Variants in EXD3 observed in about 807,000 individuals in gnomAD.
The protein encoded by EXD3 is exonuclease mut-7 homolog.
In EXD3, 92 loss-of-function variants were observed where a neutral mutation model predicts 98.0. The ratio of observed to expected loss-of-function variants is 0.94; its 90% CI spans 0.79 to 1.12. The LOEUF (loss-of-function observed/expected upper bound fraction) is 1.12, where lower values mean the gene tolerates loss of function less well. EXD3 is among the 50% of genes most tolerant of loss of function. The probability of loss-of-function intolerance (pLI) is 0.00; values close to 1 mark genes in which losing one functional copy is unlikely to be tolerated. For synonymous variants in EXD3, 569 were observed against 526.0 expected, an observed-to-expected ratio of 1.08 and a Z score of -1.12; for missense variants, 1,222 against 1,191.6, an observed-to-expected ratio of 1.03 and a Z score of -0.38.
At chr9:137,378,920 G>GT (rs1836056896) in intron 3 of EXD3, among the ~76,000 whole-genome samples, 1 of 148,360 alleles carries the variant, frequency 6.7e-6, no homozygotes, top group African/African-American at 2.6e-5. Context: ...GGGGAATGGG[G>GT]CATCTGTGTG....
In EXD3 at chr9:137,422,128, A is replaced by AAC. The variant is rs1554743755; in HGVS notation, c.-48+985_-48+986insGT. ...TGGTGTTCTTAAAAAAAAAAAAAAA[A>AAC]AAAAAACTCCCTGAAATGTCTCCTC... On this transcript the variant is annotated intron_variant, in intron 1 of 21. Transcript: ENST00000340951. 1.8e-3 allele frequency among the ~76,000 whole-genome samples: 273 copies of AAC among 151,702 alleles called. 2 individuals carry two copies. Among genetic ancestry groups the AAC allele is most frequent in the African/African-American group, 6.4e-3 (266 of 41,306 alleles).
chr9:137,402,687 C>T (rs908700327), intron 1 of EXD3, among the ~76,000 whole-genome samples: 3 of 152,210 alleles, frequency 2.0e-5, no homozygotes, highest in African/African-American at 2.4e-5. Context: ...GTCGCTTCCA[C>T]ATTTTTGGGT....
At chr9:137,413,343 G>C (rs1303085177) in intron 1 of EXD3, among the ~76,000 whole-genome samples, 1 of 151,992 alleles carries the variant, frequency 6.6e-6, no homozygotes, top group African/African-American at 2.4e-5. Flanking sequence ...TGGGACTATA[G>C]GCGCCTGCCA....
chr9:137,357,744 G>A (rs200430135), intron 7 of EXD3, among the ~76,000 whole-genome samples: 38 of 147,144 alleles, frequency 2.6e-4, no homozygotes, highest in African/African-American at 4.7e-4. Context: ...ATATATATGT[G>A]TATATATATA....
At chr9:137,384,661 G>A (rs1185425637) in intron 2 of EXD3, among the ~76,000 whole-genome samples, 2 of 152,254 alleles carry the variant, frequency 1.3e-5, no homozygotes, top group Admixed American at 6.5e-5. Context: ...AAACTACGCC[G>A]TTAGAATTAA....
Position 137,371,796 on chromosome 9 carries a change from C to A in EXD3, c.462+1109G>T, listed in dbSNP as rs774046838. Reference sequence around the variant, plus strand: ...GCAGGACACCCCCGGGCTTCTTTGCCGCACCTCGTGCTGCACCCTAGAATC... The same window carrying A: ...GCAGGACACCCCCGGGCTTCTTTGCAGCACCTCGTGCTGCACCCTAGAATC... On this transcript the variant is annotated intron_variant, in intron 5 of 21. Transcript: ENST00000340951. The surrounding 1 kb of genome is among the most constrained non-coding windows in gnomAD (Gnocchi z 8.0). 6.6e-6 allele frequency among the ~76,000 whole-genome samples: 1 copy of A among 152,022 alleles called. No homozygotes were observed. Among genetic ancestry groups the A allele is most frequent in the Non-Finnish European group, 1.5e-5 (1 of 67,982 alleles).
chr9:137,370,986 G>T lies in EXD3; in HGVS notation c.462+1919C>A, dbSNP rs546180589. On this transcript the variant is annotated intron_variant, in intron 5 of 21. Coordinates refer to ENST00000340951, the MANE Select transcript of EXD3 (RefSeq NM_017820.5). ...AATCCGAGCGGACAGGCCTGAATGCGGCCTCTTTCGGCCGGGCGCGGCGGT... is the reference window on the plus strand; with the variant it reads ...AATCCGAGCGGACAGGCCTGAATGCTGCCTCTTTCGGCCGGGCGCGGCGGT... Among the ~76,000 whole-genome samples, 16 of 152,296 alleles carry T rather than the reference G, an allele frequency of 1.1e-4. No homozygotes were observed. The South Asian group carries it at 3.3e-3, about 32-fold the overall frequency.
At chr9:137,330,764 G>A (rs1029259591) in intron 17 of EXD3, among the ~76,000 whole-genome samples, 2 of 152,172 alleles carry the variant, frequency 1.3e-5, no homozygotes, top group Non-Finnish European at 2.9e-5. Context: ...CAAGAAAGAG[G>A]AAACAGAGCT....
At chr9:137,373,128 G>C (rs935853045) in intron 4 of EXD3, 56 bp from the exon 5 acceptor site, 23 of 1,503,970 alleles carry the variant, frequency 1.5e-5, no homozygotes, top group Non-Finnish European at 2.0e-5. Context: ...CTGGGCCATG[G>C]GGCCGATTGA....
rs1480842610 is a variant in EXD3 at position 137,385,246 on chromosome 9, G to A, written c.56-1869C>T. 6.6e-6 allele frequency among the ~76,000 whole-genome samples: 1 copy of A among 152,206 alleles called. No individual in the cohort carries two copies. Among genetic ancestry groups the A allele is most frequent in the Non-Finnish European group, 1.5e-5 (1 of 68,040 alleles). ...GCACAGTGTGCTGCATACAGAGGCT[G>A]AGAACACTCAAATGTCCACTGTAGG... On this transcript the variant is annotated intron_variant, in intron 2 of 21. Transcript: ENST00000340951. This position sits in a 1 kb window ranked among gnomAD's most constrained non-coding sequence, Gnocchi z 4.4.
At chr9:137,333,971 T>TAGCTG (rs2119160943) in intron 17 of EXD3, among the ~76,000 whole-genome samples, 1 of 151,830 alleles carries the variant, frequency 6.6e-6, no homozygotes, top group East Asian at 1.9e-4. Flanking sequence ...GCCTCCCGAG[T>TAGCTG]AGCTGAGACT....
intron 17 of EXD3, among the ~76,000 whole-genome samples, chr9:137,340,523 C>T (rs1321470495): frequency 6.6e-6 from 1 of 151,678 alleles, no homozygotes; most frequent in East Asian, 1.9e-4. Flanking sequence ...ATAGAAGACT[C>T]AATATCTTTT....
chr9:137,361,968 A>C (rs1334820824), intron 7 of EXD3, among the ~76,000 whole-genome samples: 1 of 152,174 alleles, frequency 6.6e-6, no homozygotes, highest in Admixed American at 6.6e-5. Flanking sequence ...TAAGCCAATA[A>C]GTTTGACAAC....
chr9:137,310,627 C>T (rs1306048203), intron 19 of EXD3, among the ~76,000 whole-genome samples: 1 of 152,140 alleles, frequency 6.6e-6, no homozygotes, highest in Admixed American at 6.5e-5. Flanking sequence ...ACACCCGAGT[C>T]CTGACTTGGA....
chr9:137,409,083 G>A (rs1452683939), intron 1 of EXD3, among the ~76,000 whole-genome samples: 1 of 152,244 alleles, frequency 6.6e-6, no homozygotes, highest in Non-Finnish European at 1.5e-5. Flanking sequence ...TCAAGGTGGG[G>A]CCTTGGGACG....
chr9:137,394,607 G>A (rs9721793), intron 2 of EXD3, among the ~76,000 whole-genome samples: 52,167 of 113,848 alleles, frequency 0.46, 14,953 homozygotes, highest in Middle Eastern at 0.55. Flanking sequence ...CCAGTCTTCA[G>A]CTTGCAGGGT....
chr9:137,382,083 AGGTCAGGGCGGCGGT>A (rs1836324148), intron 3 of EXD3, among the ~76,000 whole-genome samples: 1 of 60,942 alleles, frequency 1.6e-5, no homozygotes, highest in African/African-American at 7.9e-5. Context: ...CGCGCGGTGG[AGGTCAGGGCGGCGGT>A]GGAGGTCAGG....
At chr9:137,356,086 G>C (rs1450991492) in intron 8 of EXD3, among the ~76,000 whole-genome samples, 182 bp downstream of exon 8, 2 of 152,212 alleles carry the variant, frequency 1.3e-5, no homozygotes, top group Non-Finnish European at 2.9e-5. Context: ...GCAGGGCCCA[G>C]GCCAGGCCCA....
In EXD3 at chr9:137,393,018, T is replaced by C; in HGVS notation, c.55+2285A>G. 2 of 620,532 alleles carry C rather than the reference T, an allele frequency of 3.2e-6. No individual in the cohort carries two copies. Among genetic ancestry groups the C allele is most frequent in the Non-Finnish European group, 5.8e-6 (2 of 344,804 alleles). 38.4% of individuals were successfully genotyped at this position (620,532 alleles called of 1,614,324 possible). A position where few individuals can be genotyped will look rare whatever the true frequency, so the allele number is the denominator to read the frequency against. On this transcript the variant is annotated intron_variant, in intron 2 of 21. Transcript: ENST00000340951. The surrounding 1 kb of genome is among the most constrained non-coding windows in gnomAD (Gnocchi z 4.6). ...GTTCTCGGTGGGGGTGCCGTGTCTG[T>C]TCCAGGGAGGGCCATTAGTGTTCCA...
Sources: gnomAD v4.1 joint callset for allele counts (sites outside exome capture counted in the v4.1 genomes callset) on GRCh38, gnomAD v4.1.1 for gene constraint, Gnocchi (gnomAD v3.1) non-coding constraint, MANE v1.5 for transcripts, NCBI Gene and HGNC (gene_info 2026-07-23, HGNC 2026-07-21) for gene names.